The following CDIN1 variants were observed in gnomAD, a reference collection of about 807,000 sequenced individuals.
The protein encoded by CDIN1 is CDAN1-interacting nuclease 1.
Under a neutral mutation model 45.3 loss-of-function variants are expected in CDIN1, and 33 were observed. The observed-to-expected ratio is 0.73, with a 90% CI of 0.55 to 0.97. The LOEUF (loss-of-function observed/expected upper bound fraction) is 0.97. Among genes scored for constraint, CDIN1 ranks in the 50% least tolerant of loss-of-function variants. The probability of loss-of-function intolerance (pLI) is 0.00; values close to 1 mark genes in which losing one functional copy is unlikely to be tolerated. For missense variants in CDIN1, 303 were observed against 339.4 expected, an observed-to-expected ratio of 0.89 and a Z score of 0.84; for synonymous variants, 118 against 124.4, an observed-to-expected ratio of 0.95 and a Z score of 0.34.
chr15:36,654,067 C>A (rs777805052), intron 3 of CDIN1, 31 bp from the exon 4 acceptor site: 2 of 1,541,258 alleles, frequency 1.3e-6, no homozygotes, highest in Non-Finnish European at 1.8e-6. Flanking sequence ...TTTCTTGTCA[C>A]TGCATTACCA....
At chr15:36,659,966 CTTT>C (rs778988517) in intron 5 of CDIN1, among the ~76,000 whole-genome samples, 59 of 105,130 alleles carry the variant, frequency 5.6e-4, no homozygotes, top group Non-Finnish European at 8.9e-4. Context: ...CCTTCCTTTT[CTTT>C]TTTTTTTTTT....
intron 10 of CDIN1, among the ~76,000 whole-genome samples, chr15:36,765,533 G>A (rs1038517959): frequency 6.6e-6 from 1 of 152,108 alleles, no homozygotes; most frequent in African/African-American, 2.4e-5. Context: ...TCAAACACAG[G>A]CCTTCTAACT....
At chr15:36,705,674 C>G (rs987172588) in intron 8 of CDIN1, 1 of 152,122 alleles carries the variant, frequency 6.6e-6, no homozygotes, top group Non-Finnish European at 1.5e-5. Context: ...GTTAACAGGT[C>G]TGCTTTTAAG....
chr15:36,749,110 C>G (rs889000914), intron 10 of CDIN1, among the ~76,000 whole-genome samples: 6 of 152,064 alleles, frequency 3.9e-5, no homozygotes, highest in African/African-American at 1.4e-4. Context: ...AATTACTGTT[C>G]CAAAAAACCC....
chr15:36,618,316 G>A (rs1276381686), intron 1 of CDIN1: 3 of 670,352 alleles, frequency 4.5e-6, no homozygotes, highest in Non-Finnish European at 5.4e-6. Context: ...TTTTTCAACT[G>A]AAAGCATAAT....
intron 1 of CDIN1, among the ~76,000 whole-genome samples, chr15:36,604,444 C>CACACAG (rs1555382560): frequency 6.1e-4 from 92 of 151,656 alleles, no homozygotes; most frequent in Middle Eastern, 3.4e-3. Flanking sequence ...CACACACACA[C>CACACAG]ACACACACAC....
chr15:36,770,326 A>AG (rs1035994412), intron 10 of CDIN1, among the ~76,000 whole-genome samples: 8 of 151,880 alleles, frequency 5.3e-5, no homozygotes, highest in African/African-American at 1.9e-4. Context: ...GCAAAAAAAA[A>AG]GGGGAAAGGG....
chr15:36,595,910 C>A (rs1193748800), intron 1 of CDIN1, among the ~76,000 whole-genome samples: 1 of 152,204 alleles, frequency 6.6e-6, no homozygotes, highest in African/African-American at 2.4e-5. Context: ...CAGTAACTGG[C>A]CTGTCACAGT....
At chr15:36,655,730 T>C (rs926812796) in intron 4 of CDIN1, among the ~76,000 whole-genome samples, 4 of 152,194 alleles carry the variant, frequency 2.6e-5, no homozygotes, top group African/African-American at 7.2e-5. Context: ...TTGTCTTTTA[T>C]GAAAAAGAAG....
intron 2 of CDIN1, 29 bp downstream of exon 2, chr15:36,644,352 G>A: frequency 6.3e-7 from 1 of 1,599,708 alleles, no homozygotes; most frequent in Non-Finnish European, 8.5e-7. Context: ...TGTGAGGGTT[G>A]ACAGGTGCCT....
intron 5 of CDIN1, among the ~76,000 whole-genome samples, chr15:36,665,683 T>C (rs1383609172): frequency 2.0e-5 from 3 of 148,790 alleles, no homozygotes; most frequent in African/African-American, 7.4e-5. Flanking sequence ...ACAGAGATGG[T>C]CTTTCCCACC....
chr15:36,624,780 G>T lies in CDIN1; in HGVS notation c.102-19498G>T, dbSNP rs577883048. 3.9e-5 allele frequency among the ~76,000 whole-genome samples: 6 copies of T among 152,116 alleles called. 1 individual carries two copies. The South Asian group carries it at 1.2e-3, about 32-fold the overall frequency. On this transcript the variant is annotated intron_variant, in intron 1 of 10. Transcript: ENST00000566621. The stretch of plus-strand genomic sequence containing the variant: ...AATACCATTATTTTAATATAACTGA[G>T]AATTTATTTGGGAAGAAAGTAGTAA...
intron 10 of CDIN1, among the ~76,000 whole-genome samples, chr15:36,800,476 AAGTATACACATAC>A (rs2054974438): frequency 6.6e-6 from 1 of 152,208 alleles, no homozygotes; most frequent in African/African-American, 2.4e-5. Context: ...ACACAGGCAT[AAGTATACACATAC>A]TTTGCATATA....
rs139260204 is a variant in CDIN1 at position 36,616,322 on chromosome 15, G to A, written c.102-27956G>A. Reference sequence around the variant, plus strand: ...TTTGAGACAGACTTTCGCTCTTGTTGCCCAGGCTGGAGTGCAATGGCACAA... The same window carrying A: ...TTTGAGACAGACTTTCGCTCTTGTTACCCAGGCTGGAGTGCAATGGCACAA... On this transcript the variant is annotated intron_variant, in intron 1 of 10. Coordinates refer to ENST00000566621, the MANE Select transcript of CDIN1 (RefSeq NM_001321759.2). Among the ~76,000 whole-genome samples the A allele has an allele frequency of 9.8e-3, 1,418 of 144,704 alleles. 9 individuals are homozygous for A. Among genetic ancestry groups the A allele is most frequent in the Non-Finnish European group, 0.016 (1,080 of 66,148 alleles). 94.9% of individuals were successfully genotyped at this position (144,704 alleles called of 152,430 possible).
At chr15:36,642,022 G>A (rs570456007) in intron 1 of CDIN1, 85 of 152,272 alleles carry the variant, frequency 5.6e-4, no homozygotes, top group African/African-American at 1.9e-3. Flanking sequence ...GATCAAACAC[G>A]GTGGGACAGT....
intron 10 of CDIN1, among the ~76,000 whole-genome samples, chr15:36,793,192 C>T (rs977933276): frequency 9.9e-5 from 15 of 152,172 alleles, no homozygotes; most frequent in Admixed American, 8.5e-4. Context: ...CTGTTTCTTT[C>T]ATACACTCAT....
intron 1 of CDIN1, among the ~76,000 whole-genome samples, chr15:36,583,549 C>T (rs1018622126): frequency 6.6e-6 from 1 of 152,192 alleles, no homozygotes; most frequent in African/African-American, 2.4e-5. Flanking sequence ...TTCGTTTCTA[C>T]AGTTTTACCA....
chr15:36,782,334 G>C (rs905339844), intron 10 of CDIN1, among the ~76,000 whole-genome samples: 2 of 152,156 alleles, frequency 1.3e-5, no homozygotes, highest in African/African-American at 2.4e-5. Flanking sequence ...AAAATGTGAT[G>C]ATGCCACAGC....
intron 10 of CDIN1, among the ~76,000 whole-genome samples, chr15:36,710,700 A>G (rs897836443): frequency 2.0e-5 from 3 of 152,180 alleles, no homozygotes; most frequent in African/African-American, 7.2e-5. Flanking sequence ...CCGTGTTCAC[A>G]CTACATGTTT....
Sources: allele counts gnomAD v4.1 joint callset (sites outside exome capture counted in the v4.1 genomes callset), GRCh38; gene constraint gnomAD v4.1.1; transcripts MANE v1.5; gene names NCBI Gene and HGNC (gene_info 2026-07-23, HGNC 2026-07-21).